PPARGC1A: variants seen among roughly 807,000 people sequenced by gnomAD.
The protein encoded by PPARGC1A is PPARG coactivator 1 alpha.
A neutral mutation model predicts 88.7 loss-of-function variants in PPARGC1A; 25 were observed. That is an observed-to-expected ratio of 0.28 (90% CI 0.21 to 0.39). The LOEUF (loss-of-function observed/expected upper bound fraction) is 0.39, where lower values mean the gene tolerates loss of function less well. PPARGC1A is among the 10% of genes least tolerant of loss of function. PPARGC1A has a pLI of 1.00. For missense variants in PPARGC1A, 880 were observed against 968.7 expected (o/e 0.91, Z 1.22); for synonymous variants, 363 against 355.6 (o/e 1.02, Z -0.24).
the PPARGC1A span, among the ~76,000 whole-genome samples, chr4:24,442,789 G>A: frequency 6.6e-6 from 1 of 152,134 alleles, no homozygotes; most frequent in Non-Finnish European, 1.5e-5. Flanking sequence ...GGCACACAGT[G>A]GCCCTGACAT....
chr4:23,871,329 G>T (rs1713314110), intron 2 of PPARGC1A, among the ~76,000 whole-genome samples: 1 of 152,214 alleles, frequency 6.6e-6, no homozygotes, highest in South Asian at 2.1e-4. Flanking sequence ...AGGATTAAAG[G>T]AGCTAGACAG....
At chr4:24,113,267 A>G in the PPARGC1A span, among the ~76,000 whole-genome samples, 2 of 151,564 alleles carry the variant, frequency 1.3e-5, no homozygotes, top group Non-Finnish European at 2.9e-5. Context: ...TAGGTAAATG[A>G]AGAGAAATGA....
At chr4:23,931,543 G>A in the PPARGC1A span, among the ~76,000 whole-genome samples, 2 of 151,990 alleles carry the variant, frequency 1.3e-5, no homozygotes. Flanking sequence ...AGAAAGGAAG[G>A]TGACCCATTC....
At chr4:23,818,587 C>T (rs1237405669) in intron 7 of PPARGC1A, among the ~76,000 whole-genome samples, 1 of 152,000 alleles carries the variant, frequency 6.6e-6, no homozygotes, top group Admixed American at 6.6e-5. Context: ...AGCACCTCTA[C>T]ATCACTCACA....
At chr4:23,889,753 TTAAGA>T (rs911266599) in intron 1 of PPARGC1A, 146 bp downstream of exon 1, 15 of 911,448 alleles carry the variant, frequency 1.6e-5, no homozygotes, top group East Asian at 2.7e-5. Flanking sequence ...CTTATTGGAG[TTAAGA>T]TAAGATTGAG....
At chr4:24,091,765 A>T in the PPARGC1A span, 3 of 373,162 alleles carry the variant, frequency 8.0e-6, no homozygotes, top group African/African-American at 6.6e-5. Flanking sequence ...CAGCTCAGCC[A>T]TCAAGCGTCC....
chr4:23,828,473 G>C lies in PPARGC1A; in HGVS notation c.684C>G (p.Asn228Lys), dbSNP rs1724396356. 1 of 1,614,042 alleles carries C rather than the reference G, an allele frequency of 6.2e-7. No individual in the cohort carries two copies. Among genetic ancestry groups the C allele is most frequent in the African/African-American group, 1.3e-5 (1 of 75,014 alleles). ...TGCATTTGTCTCTGCTGCTGTTTCT[G>C]TTCTCTGTGGGTTTGGTGTGAGGAG... ...DDPPHTKPTE[N>K]RNSSRDKCTS... Residue 228 changes from asparagine (N) to lysine (K), a missense_variant, in exon 5 of 13, where the codon AAC becomes AAG. Coordinates refer to ENST00000264867, the MANE Select transcript of PPARGC1A (RefSeq NM_013261.5).
the PPARGC1A span, among the ~76,000 whole-genome samples, chr4:24,003,007 T>A: frequency 1.3e-5 from 2 of 152,200 alleles, no homozygotes; most frequent in Non-Finnish European, 2.9e-5. Context: ...TTAGTCTGAT[T>A]CCTCTTCTCA....
the PPARGC1A span, among the ~76,000 whole-genome samples, chr4:24,369,692 G>A: frequency 6.6e-6 from 1 of 152,196 alleles, no homozygotes; most frequent in African/African-American, 2.4e-5. Flanking sequence ...CTGCAAAGCT[G>A]TAGCTATAAA....
At chr4:23,992,578 C>T in the PPARGC1A span, among the ~76,000 whole-genome samples, 1 of 152,014 alleles carries the variant, frequency 6.6e-6, no homozygotes, top group African/African-American at 2.4e-5. Context: ...AGTTTGACAC[C>T]AGGGCCCATC....
the PPARGC1A span, among the ~76,000 whole-genome samples, chr4:24,024,106 G>C: frequency 6.6e-6 from 1 of 152,140 alleles, no homozygotes; most frequent in Non-Finnish European, 1.5e-5. Context: ...AATAAGAGAT[G>C]GCAAACAGCC....
At chr4:24,416,874 T>C in the PPARGC1A span, among the ~76,000 whole-genome samples, 2 of 151,806 alleles carry the variant, frequency 1.3e-5, no homozygotes, top group Non-Finnish European at 2.9e-5. Context: ...CTACTAAAAA[T>C]ACAAAAATTA....
the PPARGC1A span, among the ~76,000 whole-genome samples, chr4:24,107,800 T>C: frequency 6.6e-6 from 1 of 152,190 alleles, no homozygotes; most frequent in South Asian, 2.1e-4. Flanking sequence ...TTTAGAAGGA[T>C]GATTGGCTTC....
the PPARGC1A span, among the ~76,000 whole-genome samples, chr4:24,238,944 T>C: frequency 4.6e-4 from 70 of 152,262 alleles, no homozygotes; most frequent in African/African-American, 1.6e-3. Context: ...TACATTCTGT[T>C]TCCTATAGAT....
the PPARGC1A span, among the ~76,000 whole-genome samples, chr4:24,288,154 C>A: frequency 9.9e-5 from 15 of 152,156 alleles, no homozygotes; most frequent in Non-Finnish European, 1.2e-4. Flanking sequence ...ATATCCCAGA[C>A]CTGAATTACA....
chr4:24,096,349 T>A, the PPARGC1A span, among the ~76,000 whole-genome samples: 1 of 152,164 alleles, frequency 6.6e-6, no homozygotes, highest in South Asian at 2.1e-4. Context: ...AGTGTAAGAA[T>A]GGACTAATAC....
At chr4:24,258,455 C>T in the PPARGC1A span, among the ~76,000 whole-genome samples, 1 of 152,144 alleles carries the variant, frequency 6.6e-6, no homozygotes, top group East Asian at 1.9e-4. Flanking sequence ...ACTGATATTT[C>T]CTATGTCATT....
the PPARGC1A span, among the ~76,000 whole-genome samples, chr4:24,288,112 C>T: frequency 2.0e-5 from 3 of 152,174 alleles, no homozygotes; most frequent in African/African-American, 7.2e-5. Flanking sequence ...AAGCTTTCAA[C>T]CCATTCCTGT....
At chr4:24,158,327 T>G in the PPARGC1A span, among the ~76,000 whole-genome samples, 8 of 152,158 alleles carry the variant, frequency 5.3e-5, no homozygotes, top group African/African-American at 1.9e-4. Flanking sequence ...AACCAAAATA[T>G]TATTTTCTTT....
Sources: allele counts gnomAD v4.1 joint callset (sites outside exome capture counted in the v4.1 genomes callset), GRCh38; gene constraint gnomAD v4.1.1; transcripts MANE v1.5; gene names NCBI Gene and HGNC (gene_info 2026-07-23, HGNC 2026-07-21).